RIMS1: variants seen among roughly 807,000 people sequenced by gnomAD.
RIMS1 encodes the protein regulating synaptic membrane exocytosis protein 1.
A neutral mutation model predicts 214.1 loss-of-function variants in RIMS1; 83 were observed. That is an observed-to-expected ratio of 0.39 (90% CI 0.32 to 0.47). The LOEUF (loss-of-function observed/expected upper bound fraction) is 0.47. RIMS1 is among the 20% of genes least tolerant of loss of function. The pLI is 0.99. For synonymous variants in RIMS1, 793 were observed against 786.8 expected, an observed-to-expected ratio of 1.01 and a Z score of -0.13; for missense variants, 2,050 against 2,161.8, an observed-to-expected ratio of 0.95 and a Z score of 1.03.
At chr6:72,272,194 A>G (rs1230292145) in intron 22 of RIMS1, among the ~76,000 whole-genome samples, 1 of 152,204 alleles carries the variant, frequency 6.6e-6, no homozygotes, top group African/African-American at 2.4e-5. Flanking sequence ...AGTTGAAGCT[A>G]TGTATATTTC....
intron 16 of RIMS1, among the ~76,000 whole-genome samples, chr6:72,256,231 A>C (rs1047664600): frequency 6.6e-6 from 1 of 152,102 alleles, no homozygotes; most frequent in Admixed American, 6.6e-5. Flanking sequence ...TATAGAGTCA[A>C]ATGTTAAAAC....
At chr6:71,935,434 C>T (rs2150953011) in intron 1 of RIMS1, among the ~76,000 whole-genome samples, 1 of 152,192 alleles carries the variant, frequency 6.6e-6, no homozygotes, top group South Asian at 2.1e-4. Flanking sequence ...GTGTTGTTTT[C>T]ATTTTGATAA....
At chr6:72,141,377 C>CA (rs1245696547) in intron 4 of RIMS1, among the ~76,000 whole-genome samples, 1 of 151,826 alleles carries the variant, frequency 6.6e-6, no homozygotes, top group African/African-American at 2.4e-5. Flanking sequence ...TCCTCCCCCT[C>CA]AAAAAAAGTT....
chr6:72,150,799 A>G (rs1211287500), intron 4 of RIMS1, among the ~76,000 whole-genome samples: 1 of 152,096 alleles, frequency 6.6e-6, no homozygotes, highest in Non-Finnish European at 1.5e-5. Flanking sequence ...GCTTCCCCTC[A>G]TGCTCTTTTC....
At chr6:71,946,277 A>G (rs1179571010) in intron 1 of RIMS1, among the ~76,000 whole-genome samples, 1 of 152,224 alleles carries the variant, frequency 6.6e-6, no homozygotes, top group Non-Finnish European at 1.5e-5. Context: ...ACAGAAAAAT[A>G]CAATTCTAAA....
chr6:72,258,235 G>C lies in RIMS1; in HGVS notation c.2881G>C (p.Asp961His). The C allele has an allele frequency of 6.2e-7, 1 of 1,613,448 alleles. No homozygotes were observed. Among genetic ancestry groups the C allele is most frequent in the Non-Finnish European group, 8.5e-7 (1 of 1,179,582 alleles). ...SRSVSPHRGN[D>H]QGKPRSRLPN... Reference sequence around the variant, plus strand: ...TTCAGTATCTCCTCATCGCGGCAATGATCAGGGAAAGCCGCGTTCACGTTT... The same window carrying C: ...TTCAGTATCTCCTCATCGCGGCAATCATCAGGGAAAGCCGCGTTCACGTTT... Residue 961 changes from aspartate to histidine, a missense_variant, in exon 17 of 34, where the codon GAT (aspartate) becomes CAT (histidine). Asp to His is a moderately conservative substitution (Grantham distance 81). Transcript: ENST00000521978.
intron 2 of RIMS1, among the ~76,000 whole-genome samples, chr6:72,083,663 T>A (rs1478179101): frequency 6.6e-6 from 1 of 152,228 alleles, no homozygotes; most frequent in East Asian, 1.9e-4. Flanking sequence ...ATTATCTATG[T>A]CTACGTATAA....
At chr6:72,118,308 AT>A (rs558740074) in intron 4 of RIMS1, among the ~76,000 whole-genome samples, 1,937 of 148,662 alleles carry the variant, frequency 0.013, 38 homozygotes, top group Non-Finnish European at 0.018. Context: ...TCCCCCTGTT[AT>A]TTTTTTTTTA....
In RIMS1 at chr6:71,886,867, TCTGCTG is replaced by T; in HGVS notation, c.-143_-138del. On this transcript the variant is annotated 5_prime_UTR_variant, in exon 1 of 34. Coordinates refer to ENST00000521978, the MANE Select transcript of RIMS1 (RefSeq NM_014989.7). Reference sequence around the variant, plus strand: ...AGACTGGGTTCTCGCTCTCCCCGGCTCTGCTGCTGCTGCTGCTGCCGCCGCCGCCGC... The same window carrying T: ...AGACTGGGTTCTCGCTCTCCCCGGCTCTGCTGCTGCTGCCGCCGCCGCCGC... 1.4e-5 allele frequency: 10 copies of T among 732,596 alleles called. No individual in the cohort carries two copies. Among genetic ancestry groups the T allele is most frequent in the Admixed American group, 2.5e-5 (1 of 39,342 alleles). The allele number at this position is 732,596 out of a possible 1,614,324, so 45.4% of individuals were successfully genotyped here. A position where few individuals can be genotyped will look rare whatever the true frequency, so the allele number is the denominator to read the frequency against.
chr6:72,384,448 A>G (rs559352750), intron 29 of RIMS1, among the ~76,000 whole-genome samples: 2 of 152,294 alleles, frequency 1.3e-5, no homozygotes, highest in African/African-American at 4.8e-5. Context: ...GGTCACGTCT[A>G]TATTTTTTTC....
intron 26 of RIMS1, among the ~76,000 whole-genome samples, chr6:72,303,061 G>T (rs886951135): frequency 2.0e-5 from 3 of 150,778 alleles, no homozygotes; most frequent in Non-Finnish European, 4.4e-5. Context: ...TTAAATTTAT[G>T]AATATTTTAA....
At chr6:72,322,603 GAAC>G (rs1472905204) in intron 28 of RIMS1, among the ~76,000 whole-genome samples, 2 of 151,954 alleles carry the variant, frequency 1.3e-5, no homozygotes, top group African/African-American at 4.8e-5. Flanking sequence ...AACAAATAAT[GAAC>G]AACAACAGCA....
In RIMS1 at chr6:72,146,153, C is replaced by T. The variant is rs188224010; in HGVS notation, c.472-33422C>T. 5.3e-3 allele frequency among the ~76,000 whole-genome samples: 804 copies of T among 152,246 alleles called. 4 individuals are homozygous for T. The highest frequency in any genetic ancestry group is 0.018 in the African/African-American group (746 of 41,554). Reference sequence around the variant, plus strand: ...CTGCATGACATTCATGAGTCCTGAACATTTTTCCTCTATTTTAATGTCACA... The same window carrying T: ...CTGCATGACATTCATGAGTCCTGAATATTTTTCCTCTATTTTAATGTCACA... On this transcript the variant is annotated intron_variant, in intron 4 of 33. Coordinates refer to ENST00000521978, the MANE Select transcript of RIMS1 (RefSeq NM_014989.7).
At chr6:72,261,129 C>G in intron 19 of RIMS1, 1 of 1,087,602 alleles carries the variant, frequency 9.2e-7, no homozygotes, top group Non-Finnish European at 1.1e-6. Flanking sequence ...GAGGTCTAAT[C>G]TGTGTATGGC....
chr6:72,051,269 T>G (rs1052382358), intron 2 of RIMS1, among the ~76,000 whole-genome samples: 2 of 152,176 alleles, frequency 1.3e-5, no homozygotes, highest in Non-Finnish European at 2.9e-5. Flanking sequence ...CAACTTTTCT[T>G]TTATCAAGGC....
chr6:72,374,062 G>T (rs928873375), intron 29 of RIMS1, among the ~76,000 whole-genome samples: 1 of 151,864 alleles, frequency 6.6e-6, no homozygotes, highest in Non-Finnish European at 1.5e-5. Flanking sequence ...CTACAAGTAC[G>T]CACCACCACA....
intron 19 of RIMS1, chr6:72,262,424 G>A (rs970078377): frequency 2.8e-5 from 28 of 984,486 alleles, no homozygotes; most frequent in African/African-American, 3.5e-5. Flanking sequence ...ATAACATCCT[G>A]TGGACAGGTA....
At chr6:71,909,826 G>A (rs1005906118) in intron 1 of RIMS1, among the ~76,000 whole-genome samples, 6 of 152,090 alleles carry the variant, frequency 3.9e-5, no homozygotes, top group Non-Finnish European at 2.9e-5. Context: ...AGTAGACTCT[G>A]CCTTTTATTA....
rs532096736 is a variant in RIMS1, at chr6:72,395,840, T to G, written c.4619-2409T>G. On this transcript the variant is annotated intron_variant, in intron 31 of 33. Transcript: ENST00000521978. ...GATCATAACAAAGTATATGAATGTATTAAATTATCACACATACCTCAAAAA... is the reference window on the plus strand; with the variant it reads ...GATCATAACAAAGTATATGAATGTAGTAAATTATCACACATACCTCAAAAA... Among the ~76,000 whole-genome samples the G allele has an allele frequency of 4.3e-4, 65 of 152,016 alleles. 1 individual carries two copies. The highest frequency in any genetic ancestry group is 1.5e-3 in the African/African-American group (64 of 41,516).
Sources: allele counts gnomAD v4.1 joint callset (sites outside exome capture counted in the v4.1 genomes callset), GRCh38; gene constraint gnomAD v4.1.1; transcripts MANE v1.5; gene names NCBI Gene and HGNC (gene_info 2026-07-23, HGNC 2026-07-21).